MINDY4: variants seen among roughly 807,000 people sequenced by gnomAD.
MINDY4 encodes probable ubiquitin carboxyl-terminal hydrolase MINDY-4.
Under a neutral mutation model 87.0 loss-of-function variants are expected in MINDY4, and 68 were observed. That is an observed-to-expected ratio of 0.78 (90% CI 0.64 to 0.96). The LOEUF (loss-of-function observed/expected upper bound fraction) is 0.96, where lower values mean the gene tolerates loss of function less well. Among genes scored for constraint, MINDY4 ranks in the 40% least tolerant of loss-of-function variants. The pLI is 0.00. For synonymous variants in MINDY4, 379 were observed against 363.2 expected (o/e 1.04, Z -0.50); for missense variants, 919 against 928.2 (o/e 0.99, Z 0.13).
intron 5 of MINDY4, among the ~76,000 whole-genome samples, chr7:30,806,380 G>A (rs1428624381): frequency 1.3e-5 from 2 of 152,044 alleles, no homozygotes; most frequent in East Asian, 3.8e-4. Context: ...ATTGTCATAA[G>A]GAATAAGTAA....
chr7:30,828,003 A>G (rs745349670), intron 5 of MINDY4, among the ~76,000 whole-genome samples: 28 of 152,196 alleles, frequency 1.8e-4, no homozygotes, highest in South Asian at 6.2e-4. Flanking sequence ...GTTCAGGTCA[A>G]TGTATGCTGG....
At chr7:30,791,597 ACGGCTTTTC>A in intron 5 of MINDY4, 23 bp downstream of exon 5, 1 of 1,568,552 alleles carries the variant, frequency 6.4e-7, no homozygotes, top group Non-Finnish European at 8.6e-7. Context: ...TGCAAAGGTG[ACGGCTTTTC>A]AAAAAGAAGC....
In MINDY4 at chr7:30,794,221, C is replaced by A. The variant is rs576874352; in HGVS notation, c.1073+2647C>A. On this transcript the variant is annotated intron_variant, in intron 5 of 17. Transcript: ENST00000265299. ...TCCCAACTCCCCTCCATCAGTGCCC[C>A]CTTCCCCTTGTTTTTTGTTTAATTC... Among the ~76,000 whole-genome samples the A allele has an allele frequency of 4.6e-5, 7 of 152,310 alleles. No individual in the cohort carries two copies. In the East Asian group the frequency reaches 1.3e-3, roughly 29 times the overall value.
Position 30,865,042 on chromosome 7 carries a change from C to G in MINDY4, c.1745+5718C>G, listed in dbSNP as rs10242704. Among the ~76,000 whole-genome samples the G allele has an allele frequency of 7.3e-3, 1,118 of 152,212 alleles. 14 individuals are homozygous for G. The highest frequency in any genetic ancestry group is 0.026 in the African/African-American group (1,060 of 41,514). On this transcript the variant is annotated intron_variant, in intron 13 of 17. Coordinates refer to ENST00000265299, the MANE Select transcript of MINDY4 (RefSeq NM_032222.3). Reference sequence around the variant, plus strand: ...GAACGGGAGGGGTCCATGGGATGCTCGTCAGCTTACCTGGGACTCTGCTGA... The same window carrying G: ...GAACGGGAGGGGTCCATGGGATGCTGGTCAGCTTACCTGGGACTCTGCTGA...
chr7:30,832,792 G>A (rs1485852595), intron 6 of MINDY4, among the ~76,000 whole-genome samples: 1 of 152,162 alleles, frequency 6.6e-6, no homozygotes, highest in Admixed American at 6.5e-5. Flanking sequence ...ACAGGCATGA[G>A]CCACCGTGCC....
intron 3 of MINDY4, 148 bp from the exon 4 acceptor site, chr7:30,785,601 C>T: frequency 1.1e-6 from 1 of 946,870 alleles, no homozygotes; most frequent in Non-Finnish European, 1.6e-6. Context: ...TGTTCCTTGT[C>T]TTTCATGATA....
intron 7 of MINDY4, among the ~76,000 whole-genome samples, chr7:30,837,068 G>T (rs1788879732): frequency 6.6e-6 from 1 of 152,168 alleles, no homozygotes; most frequent in South Asian, 2.1e-4. Context: ...GGGTGTGATG[G>T]AAATGGTCCA....
Position 30,836,267 on chromosome 7 carries a change from C to T in MINDY4, c.1133-391C>T, listed in dbSNP as rs185120656. On this transcript the variant is annotated intron_variant, in intron 6 of 17. Transcript: ENST00000265299. ...CTTTGTCCTTGGGGGAATGATCTTT[C>T]GAGTCATGCCCACCTTTTGTAAGAA... is the stretch of plus-strand genomic sequence containing the variant. Among the ~76,000 whole-genome samples, 289 of 152,326 alleles carry T rather than the reference C, an allele frequency of 1.9e-3. 2 individuals are homozygous for T. The highest frequency in any genetic ancestry group is 6.6e-3 in the African/African-American group (274 of 41,578).
intron 1 of MINDY4, among the ~76,000 whole-genome samples, chr7:30,775,984 T>C (rs1262156754): frequency 1.3e-5 from 2 of 152,216 alleles, no homozygotes; most frequent in African/African-American, 4.8e-5. Flanking sequence ...AGCAAATCTG[T>C]TGGCTTTATC....
At chr7:30,863,463 T>C (rs1212186506) in intron 13 of MINDY4, among the ~76,000 whole-genome samples, 1 of 152,128 alleles carries the variant, frequency 6.6e-6, no homozygotes, top group Non-Finnish European at 1.5e-5. Context: ...GTGACTTGAT[T>C]GTGTACATGT....
chr7:30,841,007 C>T (rs1456770122), intron 9 of MINDY4, among the ~76,000 whole-genome samples, 159 bp downstream of exon 9: 2 of 152,168 alleles, frequency 1.3e-5, no homozygotes, highest in Non-Finnish European at 2.9e-5. Context: ...AAGGCCTGCG[C>T]AGACCAGTGT....
Position 30,783,815 on chromosome 7 carries a change from CAG to C in MINDY4, c.419+1604_419+1605del, listed in dbSNP as rs573582965. On this transcript the variant is annotated intron_variant, in intron 3 of 17. Transcript: ENST00000265299. ...TTGCTTTATTTGATTTTCGTAAAAA[CAG>C]GGGTATGGTATTCTAAAAGGCAACA... is the stretch of plus-strand genomic sequence containing the variant. Among the ~76,000 whole-genome samples, 470 of 152,158 alleles carry C rather than the reference CAG, an allele frequency of 3.1e-3. 1 individual carries two copies. The highest frequency in any genetic ancestry group is 0.01 in the African/African-American group (432 of 41,486).
chr7:30,881,794 A>G (rs537626847), intron 15 of MINDY4, among the ~76,000 whole-genome samples: 1 of 152,120 alleles, frequency 6.6e-6, no homozygotes, highest in African/African-American at 2.4e-5. Flanking sequence ...GGGGTGTGGG[A>G]AGAATTGGTT....
At chr7:30,816,526 C>T (rs1439582654) in intron 5 of MINDY4, among the ~76,000 whole-genome samples, 11 of 152,178 alleles carry the variant, frequency 7.2e-5, no homozygotes, top group Admixed American at 6.5e-4. Flanking sequence ...GGCTGGAGTA[C>T]AGCATGTGTT....
intron 15 of MINDY4, among the ~76,000 whole-genome samples, chr7:30,877,683 CTTT>C (rs573026878): frequency 5.3e-5 from 6 of 112,690 alleles, no homozygotes; most frequent in Admixed American, 8.4e-5. Context: ...TCTTCTTCTT[CTTT>C]TTTTTTTTTT....
chr7:30,801,680 A>G (rs537570795), intron 5 of MINDY4, among the ~76,000 whole-genome samples: 1 of 152,274 alleles, frequency 6.6e-6, no homozygotes, highest in East Asian at 1.9e-4. Context: ...CCCTCCAAAA[A>G]TGGGGTTGAT....
chr7:30,823,740 C>T (rs1407186879), intron 5 of MINDY4, among the ~76,000 whole-genome samples: 1 of 152,086 alleles, frequency 6.6e-6, no homozygotes, highest in Non-Finnish European at 1.5e-5. Context: ...TGTCTGTTGG[C>T]TTTCACTCAT....
intron 5 of MINDY4, chr7:30,796,934 A>G (rs931417162): frequency 1.3e-5 from 2 of 151,660 alleles, no homozygotes; most frequent in Admixed American, 1.3e-4. Context: ...TCACAGACAT[A>G]CTCATTTATT....
intron 12 of MINDY4, among the ~76,000 whole-genome samples, chr7:30,857,408 T>C (rs1789607696): frequency 6.6e-6 from 1 of 152,088 alleles, no homozygotes; most frequent in Non-Finnish European, 1.5e-5. Flanking sequence ...AGGTGCTTAT[T>C]GTTTTTTCTT....
Sources: gnomAD v4.1 joint callset for allele counts (sites outside exome capture counted in the v4.1 genomes callset) on GRCh38, gnomAD v4.1.1 for gene constraint, MANE v1.5 for transcripts, NCBI Gene and HGNC (gene_info 2026-07-23, HGNC 2026-07-21) for gene names.